Variants in MEGF6 observed in about 807,000 individuals in gnomAD.
The protein encoded by MEGF6 is multiple EGF like domains 6, also known as multiple epidermal growth factor-like domains protein 6.
A neutral mutation model predicts 207.1 loss-of-function variants in MEGF6; 184 were observed. The observed-to-expected ratio is 0.89, with a 90% CI of 0.79 to 1.00. The LOEUF is 1.00. Among genes scored for constraint, MEGF6 ranks in the 50% least tolerant of loss-of-function variants. The pLI, the probability that MEGF6 is intolerant of heterozygous loss-of-function variation, is 0.00. For synonymous variants in MEGF6, 1,038 were observed against 910.0 expected, an observed-to-expected ratio of 1.14 and a Z score of -2.53; for missense variants, 2,282 against 2,202.9, an observed-to-expected ratio of 1.04 and a Z score of -0.72.
intron 4 of MEGF6, among the ~76,000 whole-genome samples, chr1:3,559,793 C>T (rs144742177): frequency 0.011 from 1,676 of 152,142 alleles, 30 homozygotes; most frequent in Non-Finnish European, 0.013. Context: ...GGGCAAATCA[C>T]GAGGTCAGGA....
rs1384911369 is a variant in MEGF6, at chr1:3,602,553, T to G, written c.179A>C (p.Gln60Pro). The stretch of plus-strand genomic sequence containing the variant: ...GTGGCTTAAGGCCTGCACGCACGGC[T>G]GGCGGCGGCCCACCAGGGTCAGCTC... Reference protein sequence around the residue: ...EQELTLVGRRQPCVQALSHTV... With the variant: ...EQELTLVGRRPPCVQALSHTV... The change falls in exon 2 of 37, where the codon CAG (glutamine) becomes CCG (proline). Residue 60 changes from glutamine (Q) to proline (P), a missense_variant. Physicochemically the swap from Gln to Pro is moderately conservative, Grantham distance 76. Transcript: ENST00000356575. The G allele has an allele frequency of 4.3e-6, 7 of 1,612,376 alleles. No homozygotes were observed. The highest frequency in any genetic ancestry group is 5.1e-6 in the Non-Finnish European group (6 of 1,179,644).
intron 12 of MEGF6, 39 bp from the exon 13 acceptor site, chr1:3,508,728 C>G (rs375110731): frequency 6.2e-6 from 10 of 1,604,786 alleles, no homozygotes; most frequent in Non-Finnish European, 6.8e-6. Flanking sequence ...AGAGCCTGAC[C>G]CCTGGCCTCA....
At chr1:3,602,402 G>T (rs535887833) in intron 2 of MEGF6, 64 bp downstream of exon 2, 40 of 1,607,344 alleles carry the variant, frequency 2.5e-5, no homozygotes, top group Non-Finnish European at 3.4e-6. Context: ...CCCAGCTCCC[G>T]GGTGGTCAGT....
At chr1:3,498,613 C>G (rs1640715988) in intron 25 of MEGF6, 85 bp downstream of exon 25, 2 of 1,486,188 alleles carry the variant, frequency 1.3e-6, no homozygotes, top group Admixed American at 2.1e-5. Flanking sequence ...GCGCTGCCCC[C>G]TGACCTGGGA....
At position 3,519,772 on chromosome 1, in the gene MEGF6, C is replaced by T. The variant is rs552372621; in HGVS notation, c.605-4245G>A. On this transcript the variant is annotated intron_variant, in intron 5 of 36. Transcript: ENST00000356575. ...AGCCTCCCCTCCCGGGCCGGGCCTC[C>T]CCTCCAAGAAGGAACCAAGGGGCCA... is the stretch of plus-strand genomic sequence containing the variant. Among the ~76,000 whole-genome samples the T allele has an allele frequency of 5.3e-4, 81 of 152,366 alleles. 1 individual carries two copies. Among genetic ancestry groups the T allele is most frequent in the Middle Eastern group, 3.4e-3 (1 of 294 alleles).
Position 3,510,807 on chromosome 1 carries a change from T to A in MEGF6, c.1210A>T (p.Ser404Cys). The A allele has an allele frequency of 6.2e-7, 1 of 1,608,446 alleles. No individual in the cohort carries two copies. The highest frequency in any genetic ancestry group is 8.5e-7 in the Non-Finnish European group (1 of 1,176,926). Residue 404 changes from serine to cysteine, a missense_variant, in exon 10 of 37, where the codon AGT becomes TGT. Physicochemically the swap from Ser to Cys is moderately radical, Grantham distance 112. Transcript: ENST00000356575. ...CCCTCACAGCCGCAGCCATCGGCAC[T>A]GAGCCGGTAGCCGGCGTAGCAGCCG... ...ECGCYAGYRL[S>C]ADGCGCEDVD... is the part of the protein sequence containing the mutation.
chr1:3,611,349 C>A lies in MEGF6; in HGVS notation c.-81G>T. Reference sequence around the variant, plus strand: ...CCGGAGCCTCCGCCTCCACGTGCGCCATAGGACGCAGCCACAGGTGCCCGC... The same window carrying A: ...CCGGAGCCTCCGCCTCCACGTGCGCAATAGGACGCAGCCACAGGTGCCCGC... On this transcript the variant is annotated 5_prime_UTR_variant, in exon 1 of 37. It removes an upstream start codon present in the reference 5' UTR. Transcript: ENST00000356575. The A allele has an allele frequency of 7.3e-7, 1 of 1,361,302 alleles. No homozygotes were observed. Among genetic ancestry groups the A allele is most frequent in the South Asian group, 1.8e-5 (1 of 55,832 alleles). 84.3% of individuals were successfully genotyped at this position (1,361,302 alleles called of 1,614,324 possible). A position where few individuals can be genotyped will look rare whatever the true frequency, so the allele number is the denominator to read the frequency against.
At chr1:3,505,597 C>T in intron 15 of MEGF6, 41 bp from the exon 16 acceptor site, 3 of 1,508,744 alleles carry the variant, frequency 2.0e-6, no homozygotes, top group Non-Finnish European at 2.7e-6. Flanking sequence ...CCGTCTGAAG[C>T]CCCACCCTCC....
At chr1:3,505,391 C>CCA in intron 16 of MEGF6, 31 bp downstream of exon 16, 1 of 1,599,292 alleles carries the variant, frequency 6.3e-7, no homozygotes. Flanking sequence ...CCCTGGCGCC[C>CCA]CCCGCCCCCA....
At chr1:3,545,101 A>G (rs57395109) in intron 4 of MEGF6, among the ~76,000 whole-genome samples, 44,374 of 152,050 alleles carry the variant, frequency 0.29, 10,900 homozygotes, top group African/African-American at 0.67. Flanking sequence ...CCCCCACCCC[A>G]TCAGTTACAA....
Position 3,494,704 on chromosome 1 carries a change from G to A in MEGF6, c.3909C>T (p.His1303=). The part of the protein sequence containing the change: ...PQNRFGVGCE[H]TCSCRNGGLC... ...GGCCCCCATTTCTGCAGGAGCAGGT[G>A]TGCTCGCAGCCCACGCCAAACCGGT... Residue 1303 remains histidine, a synonymous_variant, in exon 31 of 37, where the codon CAC becomes CAT. Coordinates refer to ENST00000356575, the MANE Select transcript of MEGF6 (RefSeq NM_001409.4). 6.3e-7 allele frequency: 1 copy of A among 1,586,990 alleles called. No homozygotes were observed. The highest frequency in any genetic ancestry group is 8.6e-7 in the Non-Finnish European group (1 of 1,168,116).
At chr1:3,545,975 G>A (rs950858685) in intron 4 of MEGF6, among the ~76,000 whole-genome samples, 7 of 151,974 alleles carry the variant, frequency 4.6e-5, no homozygotes, top group African/African-American at 1.7e-4. Context: ...CAGCTGGACA[G>A]CTGGAGACAG....
At position 3,594,910 on chromosome 1, in the gene MEGF6, C is replaced by A. The variant is rs941280798; in HGVS notation, c.376+428G>T. ...TGAAGCTGAGGCCCGCCACCCGGCCCGGATTGGCCTTGGGAGAACACGGTA... is the reference window on the plus strand; with the variant it reads ...TGAAGCTGAGGCCCGCCACCCGGCCAGGATTGGCCTTGGGAGAACACGGTA... On this transcript the variant is annotated intron_variant, in intron 3 of 36. Transcript: ENST00000356575. The surrounding 1 kb of genome is among the most constrained non-coding windows in gnomAD (Gnocchi z 4.2). Among the ~76,000 whole-genome samples, 1 of 152,154 alleles carries A rather than the reference C, an allele frequency of 6.6e-6. No homozygotes were observed. Among genetic ancestry groups the A allele is most frequent in the Non-Finnish European group, 1.5e-5 (1 of 68,030 alleles).
chr1:3,593,937 T>TCA (rs1644019794), intron 3 of MEGF6, among the ~76,000 whole-genome samples: 1 of 152,174 alleles, frequency 6.6e-6, no homozygotes, highest in South Asian at 2.1e-4. Flanking sequence ...AACATGGCCA[T>TCA]CATCCCTTCT....
intron 4 of MEGF6, among the ~76,000 whole-genome samples, chr1:3,537,556 C>A (rs569842460): frequency 1.3e-5 from 2 of 152,244 alleles, no homozygotes; most frequent in African/African-American, 4.8e-5. Context: ...GGCCGGGGGG[C>A]ACCGGGCCCT....
intron 17 of MEGF6, 79 bp from the exon 18 acceptor site, chr1:3,502,000 G>C: frequency 6.6e-7 from 1 of 1,504,726 alleles, no homozygotes. Context: ...GGGGCTCCTG[G>C]TGAGTGTGCC....
At position 3,490,922 on chromosome 1, in the gene MEGF6, G is replaced by C; in HGVS notation, c.4554C>G (p.Ala1518=). ...PLRLPENPSL[A]QGSAGTLPAS... ...CCCCACACCCCTTACCTGAGCCCTG[G>C]GCTAAGGACGGGTTCTCGGGGAGCC... Residue 1518 remains alanine, a synonymous_variant, in exon 36 of 37, where the codon GCC becomes GCG. Coordinates refer to ENST00000356575, the MANE Select transcript of MEGF6 (RefSeq NM_001409.4). 6.3e-7 allele frequency: 1 copy of C among 1,598,334 alleles called. No individual in the cohort carries two copies. The highest frequency in any genetic ancestry group is 8.5e-7 in the Non-Finnish European group (1 of 1,173,100).
At chr1:3,530,173 C>G (rs1008053897) in intron 4 of MEGF6, among the ~76,000 whole-genome samples, 1 of 152,176 alleles carries the variant, frequency 6.6e-6, no homozygotes, top group African/African-American at 2.4e-5. Context: ...GCCTACCCAG[C>G]GAAGATGGAG....
chr1:3,501,865 C>A lies in MEGF6; in HGVS notation c.2245G>T (p.Ala749Ser), dbSNP rs1256561987. 1.9e-6 allele frequency: 3 copies of A among 1,603,462 alleles called. No individual in the cohort carries two copies. The highest frequency in any genetic ancestry group is 2.2e-5 in the South Asian group (2 of 90,088). ...NCSSSCSCGG[A>S]PCHGVTGQCR... Reference sequence around the variant, plus strand: ...TGCCCCGTGACCCCGTGGCAGGGGGCCCCCCCACAGGAGCAGGAGCTCGAG... The same window carrying A: ...TGCCCCGTGACCCCGTGGCAGGGGGACCCCCCACAGGAGCAGGAGCTCGAG... The change falls in exon 18 of 37, where the codon GCC becomes TCC. Residue 749 changes from alanine (A) to serine (S), a missense_variant. Physicochemically the swap from Ala to Ser is moderately conservative, Grantham distance 99. Transcript: ENST00000356575.
Sources: allele counts gnomAD v4.1 joint callset (sites outside exome capture counted in the v4.1 genomes callset), GRCh38; gene constraint gnomAD v4.1.1; non-coding constraint Gnocchi (gnomAD v3.1); transcripts MANE v1.5; gene names NCBI Gene and HGNC (gene_info 2026-07-23, HGNC 2026-07-21).